Variants in CDH12 observed in about 807,000 individuals in gnomAD.
The protein encoded by CDH12 is cadherin-12.
A neutral mutation model predicts 74.1 loss-of-function variants in CDH12; 41 were observed. The ratio of observed to expected loss-of-function variants is 0.55; its 90% CI spans 0.43 to 0.72. The LOEUF (loss-of-function observed/expected upper bound fraction) is 0.72. Ranked by LOEUF, CDH12 falls within the 30% of genes least tolerant of loss-of-function variation. The pLI, the probability that CDH12 is intolerant of heterozygous loss-of-function variation, is 0.00. For missense variants in CDH12, 945 were observed against 977.2 expected (o/e 0.97, Z 0.44); for synonymous variants, 399 against 355.0 (o/e 1.12, Z -1.39).
chr5:22,558,717 T>C (rs181246368), intron 1 of CDH12, among the ~76,000 whole-genome samples: 19 of 152,078 alleles, frequency 1.2e-4, no homozygotes, highest in Admixed American at 8.5e-4. Flanking sequence ...CCAATGAATA[T>C]ACTGAGAAAA....
intron 1 of CDH12, among the ~76,000 whole-genome samples, chr5:22,508,205 A>G (rs1319195500): frequency 6.6e-6 from 1 of 152,154 alleles, no homozygotes; most frequent in Non-Finnish European, 1.5e-5. Flanking sequence ...CCTACCATAG[A>G]TCATGAGGAT....
At chr5:22,747,219 A>G (rs1198303648) in intron 1 of CDH12, among the ~76,000 whole-genome samples, 1 of 152,184 alleles carries the variant, frequency 6.6e-6, no homozygotes, top group African/African-American at 2.4e-5. Flanking sequence ...TTTTACAGAA[A>G]GGCTTACCTA....
intron 1 of CDH12, among the ~76,000 whole-genome samples, chr5:22,507,364 T>A (rs963489747): frequency 1.6e-4 from 25 of 152,166 alleles, no homozygotes; most frequent in African/African-American, 4.8e-4. Context: ...TTTAATGAAA[T>A]TATAAAATAA....
chr5:22,063,795 T>C (rs921667435), intron 5 of CDH12, among the ~76,000 whole-genome samples: 3 of 152,046 alleles, frequency 2.0e-5, no homozygotes, highest in Non-Finnish European at 4.4e-5. Context: ...TTGGAAACCC[T>C]AATAAAACAG....
At position 21,760,603 on chromosome 5, in the gene CDH12, GTGA is replaced by G. The variant is rs781340145; in HGVS notation, c.1585_1587del (p.Ser529del). 25 of 1,611,286 alleles carry G rather than the reference GTGA, an allele frequency of 1.6e-5. No individual in the cohort carries two copies. In the South Asian group the frequency reaches 2.2e-4, roughly 14 times the overall value. ...AAATTTGGTTTGATAGCAGCCTCAGGTGATAATCTAAAGGAGAATTGTTGCCCA... is the reference window on the plus strand; with the variant it reads ...AAATTTGGTTTGATAGCAGCCTCAGGTAATCTAAAGGAGAATTGTTGCCCA... On this transcript the variant is annotated inframe_deletion, in exon 13 of 15. Coordinates refer to ENST00000382254, the MANE Select transcript of CDH12 (RefSeq NM_004061.5).
chr5:21,767,383 TAG>T (rs1315075379), intron 11 of CDH12, among the ~76,000 whole-genome samples: 3 of 151,750 alleles, frequency 2.0e-5, no homozygotes, highest in Non-Finnish European at 4.4e-5. Flanking sequence ...TCTCTTCTGC[TAG>T]TTGTAAATTA....
intron 3 of CDH12, among the ~76,000 whole-genome samples, chr5:22,400,934 A>G (rs1456368267): frequency 2.6e-5 from 4 of 152,126 alleles, no homozygotes; most frequent in African/African-American, 4.8e-5. Flanking sequence ...GCTACGTAAG[A>G]TGATTGATAT....
At chr5:21,847,736 G>A (rs1056542597) in intron 7 of CDH12, among the ~76,000 whole-genome samples, 4 of 151,998 alleles carry the variant, frequency 2.6e-5, no homozygotes, top group Non-Finnish European at 5.9e-5. Flanking sequence ...AGGTCCTGGG[G>A]TTTAGGACAT....
At chr5:22,341,790 C>T (rs1291684928) in intron 3 of CDH12, among the ~76,000 whole-genome samples, 1 of 152,090 alleles carries the variant, frequency 6.6e-6, no homozygotes, top group Admixed American at 6.6e-5. Flanking sequence ...CTCTGCAGAA[C>T]CAAGAACCAA....
At chr5:22,328,230 A>G (rs1378862107) in intron 3 of CDH12, among the ~76,000 whole-genome samples, 1 of 152,208 alleles carries the variant, frequency 6.6e-6, no homozygotes, top group Non-Finnish European at 1.5e-5. Flanking sequence ...AAAAAAATAT[A>G]TGTTTAGGAT....
chr5:22,727,676 T>C (rs1163054817), intron 1 of CDH12, among the ~76,000 whole-genome samples: 1 of 151,766 alleles, frequency 6.6e-6, no homozygotes, highest in Admixed American at 6.6e-5. Context: ...TGAAAATGTT[T>C]TGATTTCACT....
At chr5:22,820,095 T>C (rs1376020130) in intron 1 of CDH12, among the ~76,000 whole-genome samples, 2 of 149,880 alleles carry the variant, frequency 1.3e-5, no homozygotes, top group Admixed American at 1.4e-4. Context: ...AGTTCATACA[T>C]AGCTGAACAG....
chr5:22,273,611 T>C (rs1361484219), intron 3 of CDH12, among the ~76,000 whole-genome samples: 1 of 152,188 alleles, frequency 6.6e-6, no homozygotes, highest in East Asian at 1.9e-4. Context: ...CAGCGTCTTT[T>C]CCGTGCATTT....
intron 1 of CDH12, among the ~76,000 whole-genome samples, chr5:22,706,879 A>T (rs547857864): frequency 3.3e-5 from 5 of 152,268 alleles, no homozygotes; most frequent in Non-Finnish European, 4.4e-5. Flanking sequence ...CACTATTCTG[A>T]AAAAGGGGGA....
At chr5:22,768,800 A>T (rs1323683240) in intron 1 of CDH12, among the ~76,000 whole-genome samples, 1 of 152,190 alleles carries the variant, frequency 6.6e-6, no homozygotes, top group Admixed American at 6.5e-5. Flanking sequence ...TAAAGAAGAT[A>T]AACTAAATAA....
At chr5:22,028,707 A>G (rs999864580) in intron 5 of CDH12, among the ~76,000 whole-genome samples, 2 of 152,200 alleles carry the variant, frequency 1.3e-5, no homozygotes, top group African/African-American at 2.4e-5. Flanking sequence ...TATAGATTCA[A>G]TGCCATCCCC....
At chr5:22,491,996 T>G (rs1455239079) in intron 2 of CDH12, among the ~76,000 whole-genome samples, 2 of 152,180 alleles carry the variant, frequency 1.3e-5, no homozygotes, top group Non-Finnish European at 2.9e-5. Flanking sequence ...CATTTTCAAT[T>G]AATTACTTCT....
intron 6 of CDH12, among the ~76,000 whole-genome samples, chr5:21,967,030 A>T (rs1029077684): frequency 6.6e-6 from 1 of 151,992 alleles, no homozygotes; most frequent in Non-Finnish European, 1.5e-5. Flanking sequence ...GGTATAATTC[A>T]TCAGTGTCTG....
chr5:22,032,153 C>G (rs1397561351), intron 5 of CDH12, among the ~76,000 whole-genome samples: 1 of 151,750 alleles, frequency 6.6e-6, no homozygotes, highest in African/African-American at 2.4e-5. Flanking sequence ...ATATATATGA[C>G]ATGCCTGTCA....
Sources: allele counts gnomAD v4.1 joint callset (sites outside exome capture counted in the v4.1 genomes callset), GRCh38; gene constraint gnomAD v4.1.1; transcripts MANE v1.5; gene names NCBI Gene and HGNC (gene_info 2026-07-23, HGNC 2026-07-21).